KHDRBS3: variants seen among roughly 807,000 people sequenced by gnomAD.
KHDRBS3 encodes the protein KH RNA binding domain containing, signal transduction associated 3, also known as KH domain-containing, RNA-binding, signal transduction-associated protein 3.
Under a neutral mutation model 45.6 loss-of-function variants are expected in KHDRBS3, and 23 were observed. The ratio of observed to expected loss-of-function variants is 0.50; its 90% confidence interval spans 0.36 to 0.72. The LOEUF is 0.72. Ranked by LOEUF, KHDRBS3 falls within the 30% of genes least tolerant of loss-of-function variation. The pLI, the probability that KHDRBS3 is intolerant of heterozygous loss-of-function variation, is 0.00. For missense variants in KHDRBS3, 352 were observed against 424.8 expected, an observed-to-expected ratio of 0.83 and a Z score of 1.51; for synonymous variants, 162 against 156.5, an observed-to-expected ratio of 1.04 and a Z score of -0.26.
chr8:135,537,890 T>G (rs1395536352), intron 2 of KHDRBS3, among the ~76,000 whole-genome samples: 1 of 152,226 alleles, frequency 6.6e-6, no homozygotes, highest in Non-Finnish European at 1.5e-5. Flanking sequence ...TATTTCTTAC[T>G]GTCTTGCAGA....
At chr8:135,468,394 G>A (rs2130166588) in intron 1 of KHDRBS3, among the ~76,000 whole-genome samples, 1 of 152,254 alleles carries the variant, frequency 6.6e-6, no homozygotes, top group South Asian at 2.1e-4. Context: ...TTGCTTTCAG[G>A]CTCTTTCATG....
chr8:135,545,696 TG>T (rs1563757917), intron 3 of KHDRBS3, among the ~76,000 whole-genome samples: 1 of 152,218 alleles, frequency 6.6e-6, no homozygotes, highest in African/African-American at 2.4e-5. Context: ...CCACCAGTTT[TG>T]TCTATCTCTT....
chr8:135,460,396 C>T (rs543493654), intron 1 of KHDRBS3, among the ~76,000 whole-genome samples: 2 of 152,308 alleles, frequency 1.3e-5, no homozygotes, highest in Non-Finnish European at 2.9e-5. Flanking sequence ...CTCACACTTG[C>T]ATTCCGGTAA....
chr8:135,573,798 G>T (rs891433121), intron 5 of KHDRBS3, among the ~76,000 whole-genome samples: 2 of 151,890 alleles, frequency 1.3e-5, no homozygotes, highest in Non-Finnish European at 1.5e-5. Context: ...AAGCCTTCCT[G>T]GATTTTTTTC....
chr8:135,548,465 A>G (rs868322432), intron 3 of KHDRBS3, among the ~76,000 whole-genome samples: 6 of 152,082 alleles, frequency 3.9e-5, no homozygotes, highest in Middle Eastern at 3.2e-3. Context: ...AGGTGAAGAC[A>G]CCCTAGCAGC....
At chr8:135,577,117 T>C (rs78159274) in intron 5 of KHDRBS3, among the ~76,000 whole-genome samples, 1,624 of 152,080 alleles carry the variant, frequency 0.011, 27 homozygotes, top group African/African-American at 0.035. Flanking sequence ...GTTTTTTTTT[T>C]CCCTTTAGTC....
At chr8:135,619,701 GA>G (rs1830060826) in intron 7 of KHDRBS3, among the ~76,000 whole-genome samples, 1 of 152,148 alleles carries the variant, frequency 6.6e-6, no homozygotes, top group Non-Finnish European at 1.5e-5. Context: ...TAAAACTGTC[GA>G]AGCTAAATAT....
At chr8:135,598,131 G>A (rs1038412560) in intron 6 of KHDRBS3, among the ~76,000 whole-genome samples, 1 of 152,128 alleles carries the variant, frequency 6.6e-6, no homozygotes, top group African/African-American at 2.4e-5. Context: ...AGTGATTGCA[G>A]GATGGAAATG....
At chr8:135,483,669 G>T (rs1180858948) in intron 1 of KHDRBS3, among the ~76,000 whole-genome samples, 1 of 152,182 alleles carries the variant, frequency 6.6e-6, no homozygotes, top group Non-Finnish European at 1.5e-5. Context: ...GAGGGCATCA[G>T]CCTTAGGTGC....
intron 4 of KHDRBS3, among the ~76,000 whole-genome samples, chr8:135,553,164 A>G (rs1306558360): frequency 6.6e-6 from 1 of 152,090 alleles, no homozygotes; most frequent in Non-Finnish European, 1.5e-5. Context: ...TCTTGACGCA[A>G]CCCAAGATGG....
chr8:135,640,352 T>C (rs1295333205), intron 7 of KHDRBS3, among the ~76,000 whole-genome samples: 1 of 152,108 alleles, frequency 6.6e-6, no homozygotes, highest in African/African-American at 2.4e-5. Context: ...AGTTTCTTCT[T>C]AACCCCACTC....
rs79100629 is a variant in KHDRBS3, at chr8:135,566,982, G to A, written c.611+9395G>A. On this transcript the variant is annotated intron_variant, in intron 5 of 8. Transcript: ENST00000355849. ...ACATTTACTTCTGCTAAATAAAACAGCACAGATCCTTTAATGGACCCCAAG... is the reference window on the plus strand; with the variant it reads ...ACATTTACTTCTGCTAAATAAAACAACACAGATCCTTTAATGGACCCCAAG... 9.3e-3 allele frequency among the ~76,000 whole-genome samples: 1,412 copies of A among 152,214 alleles called. 22 individuals carry two copies. The highest frequency in any genetic ancestry group is 0.032 in the African/African-American group (1,334 of 41,524).
At chr8:135,537,865 T>C (rs1442384130) in intron 2 of KHDRBS3, among the ~76,000 whole-genome samples, 1 of 152,220 alleles carries the variant, frequency 6.6e-6, no homozygotes, top group Non-Finnish European at 1.5e-5. Flanking sequence ...AAATGAATAT[T>C]AAAATGTATT....
intron 6 of KHDRBS3, among the ~76,000 whole-genome samples, chr8:135,597,314 C>T (rs1210483895): frequency 6.6e-6 from 1 of 152,108 alleles, no homozygotes; most frequent in African/African-American, 2.4e-5. Flanking sequence ...GCAAGAGGCC[C>T]AACTTCTTAA....
At chr8:135,618,806 A>C (rs138892440) in intron 7 of KHDRBS3, among the ~76,000 whole-genome samples, 10 of 152,300 alleles carry the variant, frequency 6.6e-5, no homozygotes, top group African/African-American at 2.2e-4. Context: ...TTTCCCACCT[A>C]CAAAAACGTA....
chr8:135,644,280 T>G (rs1831191041), intron 7 of KHDRBS3, among the ~76,000 whole-genome samples: 1 of 152,158 alleles, frequency 6.6e-6, no homozygotes, highest in East Asian at 1.9e-4. Context: ...CAGTGATGGC[T>G]CTTTCCTCGT....
intron 5 of KHDRBS3, among the ~76,000 whole-genome samples, chr8:135,560,203 T>G (rs1827101562): frequency 6.6e-6 from 1 of 152,206 alleles, no homozygotes; most frequent in African/African-American, 2.4e-5. Context: ...ATATCTCTTA[T>G]GATGAACACT....
intron 2 of KHDRBS3, among the ~76,000 whole-genome samples, chr8:135,527,134 G>A (rs1200049837): frequency 6.6e-6 from 1 of 152,092 alleles, no homozygotes; most frequent in East Asian, 1.9e-4. Flanking sequence ...TCTATACCTA[G>A]CATTTATAAA....
chr8:135,619,417 A>G (rs1470173277), intron 7 of KHDRBS3, among the ~76,000 whole-genome samples: 1 of 93,726 alleles, frequency 1.1e-5, no homozygotes, highest in East Asian at 2.1e-4. Flanking sequence ...TACATAGAGG[A>G]AAAAAAAAAA....
Sources: allele counts gnomAD v4.1 joint callset (sites outside exome capture counted in the v4.1 genomes callset), GRCh38; gene constraint gnomAD v4.1.1; transcripts MANE v1.5; gene names NCBI Gene and HGNC (gene_info 2026-07-23, HGNC 2026-07-21).